The following SEMA3A variants were observed in gnomAD, a reference collection of about 807,000 sequenced individuals.
SEMA3A encodes the protein semaphorin 3A, also known as semaphorin-3A.
In SEMA3A, 29 loss-of-function variants were observed where a neutral mutation model predicts 97.9. The ratio of observed to expected loss-of-function variants is 0.30; its 90% CI spans 0.22 to 0.40. SEMA3A has a LOEUF of 0.40. Among genes scored for constraint, SEMA3A ranks in the 10% least tolerant of loss-of-function variants. The pLI is 1.00. For missense variants in SEMA3A, 763 were observed against 951.3 expected, an observed-to-expected ratio of 0.80 and a Z score of 2.60; for synonymous variants, 321 against 323.7, an observed-to-expected ratio of 0.99 and a Z score of 0.09.
intron 1 of SEMA3A, among the ~76,000 whole-genome samples, chr7:84,377,851 C>T (rs923229213): frequency 6.6e-5 from 10 of 152,156 alleles, no homozygotes; most frequent in Non-Finnish European, 1.3e-4. Flanking sequence ...TGTGACTCAA[C>T]AGATGGTCTA....
At chr7:84,265,746 C>G (rs1311580549) in intron 3 of SEMA3A, among the ~76,000 whole-genome samples, 2 of 151,784 alleles carry the variant, frequency 1.3e-5, no homozygotes, top group Non-Finnish European at 2.9e-5. Context: ...AATCTAGTAA[C>G]AGGTCTCATC....
intron 2 of SEMA3A, among the ~76,000 whole-genome samples, chr7:84,366,411 C>T (rs1365112498): frequency 1.3e-5 from 2 of 151,202 alleles, no homozygotes; most frequent in Non-Finnish European, 3.0e-5. Flanking sequence ...ATAAGTGGTA[C>T]AGTAATATAA....
chr7:84,380,059 G>A lies in SEMA3A; in HGVS notation c.-245-8159C>T, dbSNP rs139914761. The stretch of plus-strand genomic sequence containing the variant: ...ACTACATGGCAATATGAGAAATTCC[G>A]TGGCAGGTTTTGTGTGCATTCAAAA... On this transcript the variant is annotated intron_variant, in intron 1 of 3. Transcript: ENST00000424555. Among the ~76,000 whole-genome samples the A allele has an allele frequency of 3.0e-3, 456 of 152,256 alleles. 2 individuals carry two copies. The highest frequency in any genetic ancestry group is 0.01 in the African/African-American group (422 of 41,568).
rs1477413753 is a variant in SEMA3A, at chr7:84,113,784, GT to G, written c.334-3196del. 2.0e-5 allele frequency among the ~76,000 whole-genome samples: 3 copies of G among 152,228 alleles called. No individual in the cohort carries two copies. The East Asian group carries it at 5.8e-4, about 29-fold the overall frequency. On this transcript the variant is annotated intron_variant, in intron 3 of 16. Transcript: ENST00000265362. ...CTGAAATGTTCCCCAGAGCAACAGT[GT>G]TATAGATTGTTAGCTAGAAATAAAA...
At chr7:83,984,608 C>CTTTTTTTTTTTTTTT (rs371082897) in intron 13 of SEMA3A, among the ~76,000 whole-genome samples, 7 of 98,874 alleles carry the variant, frequency 7.1e-5, no homozygotes, top group East Asian at 3.5e-4. Context: ...GATTTTTCTG[C>CTTTTTTTTTTTTTTT]TTTTTTTTTT....
chr7:84,367,760 G>A lies in SEMA3A; in HGVS notation c.-169+4064C>T, dbSNP rs542587495. Among the ~76,000 whole-genome samples, 10 of 151,040 alleles carry A rather than the reference G, an allele frequency of 6.6e-5. No individual in the cohort carries two copies. In the South Asian group the frequency reaches 1.2e-3, roughly 19 times the overall value. ...TATATATATAGGTAGAGGCAGATCC[G>A]GTTGAAGATAAAGATGGAAATGAAA... On this transcript the variant is annotated intron_variant, in intron 2 of 3. Transcript: ENST00000424555.
chr7:84,024,237 T>C (rs6944702), intron 6 of SEMA3A, among the ~76,000 whole-genome samples: 59,089 of 151,858 alleles, frequency 0.39, 12,750 homozygotes, highest in Non-Finnish European at 0.5. Flanking sequence ...ACTAGATTTG[T>C]TACTTCAAAA....
intron 1 of SEMA3A, among the ~76,000 whole-genome samples, chr7:84,181,445 C>A (rs182738321): frequency 3.3e-5 from 5 of 151,586 alleles, no homozygotes; most frequent in African/African-American, 1.2e-4. Context: ...TAGCTGTAGT[C>A]AGTCTAAAAT....
At chr7:84,335,127 G>A (rs1802005879) in intron 2 of SEMA3A, among the ~76,000 whole-genome samples, 1 of 151,916 alleles carries the variant, frequency 6.6e-6, no homozygotes, top group Non-Finnish European at 1.5e-5. Flanking sequence ...AGATAGGGAG[G>A]ATAAACTCTC....
chr7:84,055,631 T>C (rs1182228481), intron 5 of SEMA3A, among the ~76,000 whole-genome samples: 3 of 151,958 alleles, frequency 2.0e-5, no homozygotes, highest in Non-Finnish European at 2.9e-5. Context: ...ATGAACCCGG[T>C]ACCTCAGATG....
At chr7:84,059,235 GCCTT>G (rs1353849833) in intron 5 of SEMA3A, among the ~76,000 whole-genome samples, 1 of 152,126 alleles carries the variant, frequency 6.6e-6, no homozygotes, top group Non-Finnish European at 1.5e-5. Context: ...TAGGTATGCT[GCCTT>G]CCTTCAGGTC....
chr7:84,152,706 T>C (rs1413180806), intron 1 of SEMA3A, among the ~76,000 whole-genome samples: 1 of 151,696 alleles, frequency 6.6e-6, no homozygotes, highest in Non-Finnish European at 1.5e-5. Context: ...AAAAAATAAA[T>C]AAATAAAAAA....
At chr7:84,315,579 C>T (rs1562899803) in intron 2 of SEMA3A, among the ~76,000 whole-genome samples, 1 of 152,026 alleles carries the variant, frequency 6.6e-6, no homozygotes, top group Non-Finnish European at 1.5e-5. Flanking sequence ...AAATCTTTCT[C>T]AGATTTCATC....
At chr7:84,483,950 A>G (rs541945411) in intron 1 of SEMA3A, among the ~76,000 whole-genome samples, 1 of 152,198 alleles carries the variant, frequency 6.6e-6, no homozygotes, top group African/African-American at 2.4e-5. Context: ...AGGCTGAGGC[A>G]GGAGAACCAC....
chr7:83,980,606 A>AAAAAAAAAAAAACAAAAC (rs1334896446), intron 14 of SEMA3A, among the ~76,000 whole-genome samples: 3 of 50,250 alleles, frequency 6.0e-5, no homozygotes, highest in African/African-American at 2.2e-4. Flanking sequence ...TCCATCTCAA[A>AAAAAAAAAAAAACAAAAC]AAAAAAAAAA....
intron 3 of SEMA3A, among the ~76,000 whole-genome samples, chr7:84,275,794 A>G (rs897237268): frequency 2.0e-5 from 3 of 152,128 alleles, no homozygotes; most frequent in African/African-American, 7.2e-5. Flanking sequence ...TCAAAGACTT[A>G]GGGCAAAAAA....
At chr7:84,236,733 G>A (rs1404884380) in intron 3 of SEMA3A, among the ~76,000 whole-genome samples, 3 of 151,986 alleles carry the variant, frequency 2.0e-5, no homozygotes, top group Non-Finnish European at 2.9e-5. Context: ...TCTCTTGATC[G>A]TTTTGCCTCA....
intron 3 of SEMA3A, among the ~76,000 whole-genome samples, chr7:84,290,229 T>G (rs1800706933): frequency 6.6e-6 from 1 of 152,038 alleles, no homozygotes; most frequent in African/African-American, 2.4e-5. Context: ...TTGGTGAATT[T>G]TATGGTATGT....
intron 3 of SEMA3A, among the ~76,000 whole-genome samples, chr7:84,292,991 T>A: frequency 6.6e-6 from 1 of 152,202 alleles, no homozygotes; most frequent in Non-Finnish European, 1.5e-5. Context: ...TTGCATTACA[T>A]TATATAGAAG....
Sources: allele counts gnomAD v4.1 joint callset (sites outside exome capture counted in the v4.1 genomes callset), GRCh38; gene constraint gnomAD v4.1.1; transcripts MANE v1.5; gene names NCBI Gene and HGNC (gene_info 2026-07-23, HGNC 2026-07-21).